Variants in TRAPPC9 observed in about 807,000 individuals in gnomAD.
TRAPPC9 encodes the protein IKK2 binding protein.
A neutral mutation model predicts 124.0 loss-of-function variants in TRAPPC9; 83 were observed. That is an observed-to-expected ratio of 0.67 (90% CI 0.56 to 0.80). The LOEUF is 0.80. TRAPPC9 is among the 30% of genes least tolerant of loss of function. TRAPPC9 has a pLI of 0.00. For missense variants in TRAPPC9, 1,302 were observed against 1,508.3 expected, an observed-to-expected ratio of 0.86 and a Z score of 2.27; for synonymous variants, 638 against 617.5, an observed-to-expected ratio of 1.03 and a Z score of -0.49.
chr8:140,447,068 A>G (rs2071287506), intron 2 of TRAPPC9, among the ~76,000 whole-genome samples: 1 of 152,200 alleles, frequency 6.6e-6, no homozygotes, highest in Non-Finnish European at 1.5e-5. Flanking sequence ...AGGATCAAGC[A>G]TGGCGCTGCA....
intron 19 of TRAPPC9, among the ~76,000 whole-genome samples, chr8:139,972,870 C>G (rs1368994973): frequency 6.6e-6 from 1 of 152,172 alleles, no homozygotes; most frequent in Non-Finnish European, 1.5e-5. Context: ...GGTCGGAGTT[C>G]CAGTTCCCCA....
chr8:139,783,932 T>A (rs73725005), intron 21 of TRAPPC9, among the ~76,000 whole-genome samples: 6,015 of 152,240 alleles, frequency 0.04, 419 homozygotes, highest in African/African-American at 0.14. Flanking sequence ...TGTGTGACAC[T>A]ACACAACATT....
rs370478807 is a variant in TRAPPC9, at chr8:139,767,063, G to A, written c.3056-34861C>T. 3.9e-4 allele frequency among the ~76,000 whole-genome samples: 59 copies of A among 152,340 alleles called. No individual in the cohort carries two copies. In the East Asian group the frequency reaches 0.01, roughly 27 times the overall value. Reference sequence around the variant, plus strand: ...TGTGCCCCCTGCTATGCCTGCTGAGGACGCCAACGAGGACCCTGATGATGA... The same window carrying A: ...TGTGCCCCCTGCTATGCCTGCTGAGAACGCCAACGAGGACCCTGATGATGA... On this transcript the variant is annotated intron_variant, in intron 21 of 22. Coordinates refer to ENST00000438773, the MANE Select transcript of TRAPPC9 (RefSeq NM_001160372.4).
chr8:140,250,466 T>A (rs1456278641), intron 16 of TRAPPC9, among the ~76,000 whole-genome samples: 2 of 152,154 alleles, frequency 1.3e-5, no homozygotes, highest in Non-Finnish European at 2.9e-5. Context: ...TCTCTGAGAA[T>A]GTTAGACTGT....
chr8:140,351,902 G>A (rs547667293), intron 9 of TRAPPC9, among the ~76,000 whole-genome samples: 2 of 152,208 alleles, frequency 1.3e-5, no homozygotes, highest in South Asian at 2.1e-4. Flanking sequence ...ATAGCAGTTG[G>A]CCCATTAAAA....
chr8:139,990,325 C>A (rs956138100), intron 18 of TRAPPC9, among the ~76,000 whole-genome samples: 1 of 152,146 alleles, frequency 6.6e-6, no homozygotes, highest in Non-Finnish European at 1.5e-5. Context: ...GAGCTCGAAA[C>A]CCTCGGCTTT....
intron 21 of TRAPPC9, among the ~76,000 whole-genome samples, chr8:139,773,266 C>T (rs538791572): frequency 2.0e-5 from 3 of 152,216 alleles, no homozygotes; most frequent in African/African-American, 2.4e-5. Context: ...CAGGTTTCAA[C>T]GAAAATCCAA....
chr8:140,235,878 T>G (rs2063718015), intron 16 of TRAPPC9, among the ~76,000 whole-genome samples: 1 of 152,120 alleles, frequency 6.6e-6, no homozygotes, highest in African/African-American at 2.4e-5. Flanking sequence ...AACTGTAGTA[T>G]TTTCACGCAA....
At chr8:140,364,789 C>G (rs1054504050) in intron 8 of TRAPPC9, among the ~76,000 whole-genome samples, 19 of 152,016 alleles carry the variant, frequency 1.2e-4, no homozygotes, top group African/African-American at 4.3e-4. Context: ...CCAGGCTGGT[C>G]TCGAACTCCT....
At chr8:139,969,855 C>T (rs867629587) in intron 19 of TRAPPC9, among the ~76,000 whole-genome samples, 18 of 152,214 alleles carry the variant, frequency 1.2e-4, no homozygotes, top group African/African-American at 4.3e-4. Flanking sequence ...TAGGAACTAA[C>T]ACAAATTAAA....
At chr8:140,125,664 G>A (rs541736098) in intron 17 of TRAPPC9, among the ~76,000 whole-genome samples, 16 of 141,816 alleles carry the variant, frequency 1.1e-4, no homozygotes, top group East Asian at 4.1e-4. Context: ...GCGCGATCTC[G>A]GCTCACCACA....
intron 17 of TRAPPC9, among the ~76,000 whole-genome samples, chr8:140,132,743 A>G (rs895855765): frequency 1.3e-5 from 2 of 152,086 alleles, no homozygotes; most frequent in Non-Finnish European, 2.9e-5. Context: ...AATGCCTGGG[A>G]AAGGTGCAAG....
In TRAPPC9 at chr8:139,729,150, T is replaced by C. The variant is rs1817686027; in HGVS notation, c.*1911A>G. ...CATCAGATGTCAAATGCAACTCCAG[T>C]TCAGGTCACTCTTCTACAGGGGATG... On this transcript the variant is annotated 3_prime_UTR_variant, in exon 23 of 23. Coordinates refer to ENST00000438773, the MANE Select transcript of TRAPPC9 (RefSeq NM_001160372.4). 2.6e-5 allele frequency among the ~76,000 whole-genome samples: 4 copies of C among 152,314 alleles called. No homozygotes were observed. In the South Asian group the frequency reaches 8.3e-4, roughly 32 times the overall value.
chr8:140,302,341 T>G (rs995123193), intron 10 of TRAPPC9, among the ~76,000 whole-genome samples: 5 of 152,216 alleles, frequency 3.3e-5, no homozygotes, highest in South Asian at 2.1e-4. Context: ...CATTATGCCT[T>G]TATCATAGCG....
chr8:139,842,774 C>T (rs1382195792), intron 21 of TRAPPC9, among the ~76,000 whole-genome samples: 3 of 152,186 alleles, frequency 2.0e-5, no homozygotes, highest in Non-Finnish European at 4.4e-5. Context: ...CATTGTGCTT[C>T]TGGGAGGGCA....
chr8:139,811,986 T>C (rs1824475026), intron 21 of TRAPPC9, among the ~76,000 whole-genome samples: 1 of 151,908 alleles, frequency 6.6e-6, no homozygotes, highest in African/African-American at 2.4e-5. Flanking sequence ...CTGGGGACAG[T>C]GGGAGGAATG....
At chr8:140,403,791 G>A (rs985742862) in intron 6 of TRAPPC9, among the ~76,000 whole-genome samples, 2 of 152,040 alleles carry the variant, frequency 1.3e-5, no homozygotes, top group Non-Finnish European at 2.9e-5. Context: ...CCGAGTAGCT[G>A]GGACTACAGG....
chr8:140,121,107 C>A (rs2060979213), intron 17 of TRAPPC9, among the ~76,000 whole-genome samples: 1 of 152,256 alleles, frequency 6.6e-6, no homozygotes, highest in Non-Finnish European at 1.5e-5. Flanking sequence ...AGCTCTCTAT[C>A]AACTTTCCCT....
intron 21 of TRAPPC9, among the ~76,000 whole-genome samples, chr8:139,736,102 G>A (rs1012827195): frequency 1.3e-5 from 2 of 152,284 alleles, no homozygotes; most frequent in East Asian, 1.9e-4. Context: ...CTCCCAGACT[G>A]GGGGCAGGGG....
Sources: gnomAD v4.1 joint callset for allele counts (sites outside exome capture counted in the v4.1 genomes callset) on GRCh38, gnomAD v4.1.1 for gene constraint, MANE v1.5 for transcripts, NCBI Gene and HGNC (gene_info 2026-07-23, HGNC 2026-07-21) for gene names.